The following SAMHD1 variants were observed in gnomAD, a reference collection of about 807,000 sequenced individuals.
SAMHD1 encodes deoxynucleoside triphosphate triphosphohydrolase SAMHD1.
A neutral mutation model predicts 79.6 loss-of-function variants in SAMHD1; 54 were observed. The observed-to-expected ratio is 0.68, with a 90% CI of 0.55 to 0.85. The LOEUF (loss-of-function observed/expected upper bound fraction) is 0.85, where lower values mean the gene tolerates loss of function less well. Among genes scored for constraint, SAMHD1 ranks in the 40% least tolerant of loss-of-function variants. SAMHD1 has a pLI of 0.00. For synonymous variants in SAMHD1, 260 were observed against 264.1 expected, an observed-to-expected ratio of 0.98 and a Z score of 0.15; for missense variants, 663 against 782.7, an observed-to-expected ratio of 0.85 and a Z score of 1.82.
intron 12 of SAMHD1, chr20:36,904,515 G>C: frequency 2.5e-6 from 1 of 405,278 alleles, no homozygotes; most frequent in Non-Finnish European, 4.6e-6. Flanking sequence ...TCGGGAGTTC[G>C]AGACCAGCCT....
At chr20:36,913,817 A>T (rs2063459601) in intron 9 of SAMHD1, among the ~76,000 whole-genome samples, 1 of 148,964 alleles carries the variant, frequency 6.7e-6, no homozygotes, top group Non-Finnish European at 1.5e-5. Context: ...AGTGGCACAC[A>T]ATCTTGGCTC....
In SAMHD1 at chr20:36,934,974, T is replaced by C. The variant is rs760386550; in HGVS notation, c.509+55A>G. ...TGCCTGGCCTAAGATAACTATTTCA[T>C]GAGACAGAGAAAATACTTAAAAACT... On this transcript the variant is annotated intron_variant, in intron 4 of 15. Transcript: ENST00000646673. The C allele has an allele frequency of 3.2e-6, 5 of 1,568,004 alleles. No homozygotes were observed. The African/African-American group carries it at 6.8e-5, about 21-fold the overall frequency.
At chr20:36,906,330 C>G (rs968193950) in intron 11 of SAMHD1, among the ~76,000 whole-genome samples, 1 of 152,180 alleles carries the variant, frequency 6.6e-6, no homozygotes, top group Non-Finnish European at 1.5e-5. Flanking sequence ...CCCAACTACT[C>G]AGGAGGTTGA....
chr20:36,949,304 T>A (rs1033106602), intron 1 of SAMHD1, among the ~76,000 whole-genome samples: 1 of 149,834 alleles, frequency 6.7e-6, no homozygotes, highest in African/African-American at 2.5e-5. Flanking sequence ...TAAAAAATAA[T>A]CAAACAGAGG....
Position 36,890,970 on chromosome 20 carries a change from T to C in SAMHD1, c.*1962A>G, listed in dbSNP as rs1276065497. The C allele has an allele frequency of 6.6e-6, 1 of 152,152 alleles. No homozygotes were observed. The highest frequency in any genetic ancestry group is 1.5e-5 in the Non-Finnish European group (1 of 68,022). The allele number at this position is 152,152 out of a possible 1,614,324, so 9.4% of individuals were successfully genotyped here. On this transcript the variant is annotated 3_prime_UTR_variant, in exon 16 of 16. Transcript: ENST00000646673. Reference sequence around the variant, plus strand: ...AAACCACAATGATTTAAAGGTAAGATACACAGAAATAAAATGATTTTAACA... The same window carrying C: ...AAACCACAATGATTTAAAGGTAAGACACACAGAAATAAAATGATTTTAACA...
chr20:36,947,421 T>TTTGGAAGAG (rs2063697452), intron 1 of SAMHD1, among the ~76,000 whole-genome samples: 1 of 102,466 alleles, frequency 9.8e-6, no homozygotes, highest in Non-Finnish European at 1.9e-5. Flanking sequence ...TGTGTGTGTG[T>TTTGGAAGAG]GTGTGTGTGT....
At chr20:36,905,550 G>A (rs1332210417) in intron 11 of SAMHD1, 47 bp from the exon 12 acceptor site, 16 of 1,477,332 alleles carry the variant, frequency 1.1e-5, no homozygotes, top group Non-Finnish European at 1.5e-5. Context: ...AAAACACAGA[G>A]TTAAAGAATT....
At position 36,890,418 on chromosome 20, in the gene SAMHD1, C is replaced by CTTTCTTTCTTTCTTTCTTTCTTTCTTTCT. The variant is rs1555830170; in HGVS notation, c.*2513_*2514insAGAAAGAAAGAAAGAAAGAAAGAAAGAAA. Reference sequence around the variant, plus strand: ...TTTCTCTTTCTTTCTTTCTTTCTTTCTTTTCTTTCTCTCTTTCCTTCCTTC... The same window carrying CTTTCTTTCTTTCTTTCTTTCTTTCTTTCT: ...TTTCTCTTTCTTTCTTTCTTTCTTTCTTTCTTTCTTTCTTTCTTTCTTTCTTTCTTTTTCTTTCTCTCTTTCCTTCCTTC... On this transcript the variant is annotated 3_prime_UTR_variant, in exon 16 of 16. Transcript: ENST00000646673. 1.5e-3 allele frequency: 26 copies of CTTTCTTTCTTTCTTTCTTTCTTTCTTTCT among 17,798 alleles called. No individual in the cohort carries two copies. In the East Asian group the frequency reaches 0.049, roughly 34 times the overall value. The allele number at this position is 17,798 out of a possible 1,614,324, so 1.1% of individuals were successfully genotyped here. A position where few individuals can be genotyped will look rare whatever the true frequency, so the allele number is the denominator to read the frequency against.
intron 5 of SAMHD1, 38 bp downstream of exon 5, chr20:36,930,722 G>T (rs1212488697): frequency 2.2e-6 from 3 of 1,372,886 alleles, no homozygotes; most frequent in South Asian, 1.2e-5. Flanking sequence ...CATATGTTAT[G>T]ATTTTACATA....
chr20:36,915,643 A>G (rs1350622407), intron 9 of SAMHD1, among the ~76,000 whole-genome samples: 1 of 152,056 alleles, frequency 6.6e-6, no homozygotes, highest in Non-Finnish European at 1.5e-5. Flanking sequence ...AGGCTGAGGC[A>G]GAAAAATCAC....
intron 15 of SAMHD1, chr20:36,893,315 A>G (rs1372302989): frequency 1.8e-6 from 1 of 556,976 alleles, no homozygotes; most frequent in African/African-American, 1.9e-5. Context: ...TGGGAGCAGC[A>G]TACCACTGCC....
Position 36,919,347 on chromosome 20 carries a change from G to A in SAMHD1, c.852+17C>T. On this transcript the variant is annotated intron_variant, in intron 7 of 15. Coordinates refer to ENST00000646673, the MANE Select transcript of SAMHD1 (RefSeq NM_015474.4). ...AAAAGCACCAGTCAGTTAAAATTAA[G>A]CTGTACATAAACTTACCAATGAATC... The A allele has an allele frequency of 1.9e-6, 3 of 1,611,742 alleles. No homozygotes were observed. The highest frequency in any genetic ancestry group is 1.7e-5 in the Admixed American group (1 of 59,992).
intron 4 of SAMHD1, chr20:36,934,517 C>CAAAAAAAAA (rs35696057): frequency 1.9e-4 from 10 of 53,996 alleles, no homozygotes; most frequent in African/African-American, 6.5e-4. Context: ...GACTCTGTCT[C>CAAAAAAAAA]AAAAAAAAAA....
chr20:36,898,502 C>G lies in SAMHD1; in HGVS notation c.1546G>C (p.Asp516His). 6.2e-7 allele frequency: 1 copy of G among 1,613,958 alleles called. No individual in the cohort carries two copies. The highest frequency in any genetic ancestry group is 8.5e-7 in the Non-Finnish European group (1 of 1,179,964). ...GTCTTACAATAGAAGCTAACATGAT[C>G]AATTGGATTCTTTTCTTGCATTCCA... ...DYGMQEKNPIDHVSFYCKTAP... is the reference protein window; with the variant it reads ...DYGMQEKNPIHHVSFYCKTAP... Residue 516 changes from aspartate (D) to histidine (H), a missense_variant, in exon 14 of 16, where the codon GAT (aspartate) becomes CAT (histidine). Asp to His is a moderately conservative substitution (Grantham distance 81, BLOSUM62 -1). Coordinates refer to ENST00000646673, the MANE Select transcript of SAMHD1 (RefSeq NM_015474.4).
At chr20:36,942,458 T>C (rs1447456676) in intron 2 of SAMHD1, among the ~76,000 whole-genome samples, 1 of 151,916 alleles carries the variant, frequency 6.6e-6, no homozygotes, top group Non-Finnish European at 1.5e-5. Flanking sequence ...CTGATTAGAG[T>C]ATATAAAACC....
At position 36,937,856 on chromosome 20, in the gene SAMHD1, G is replaced by GTTTTTTTTTTTTTTTT. The variant is rs761389071; in HGVS notation, c.349-2668_349-2667insAAAAAAAAAAAAAAAA. On this transcript the variant is annotated intron_variant, in intron 3 of 15. Transcript: ENST00000646673. Reference sequence around the variant, plus strand: ...TTATAAATGAGGTTAAACAATGTTGGTTTGTTTTTTTTTTTTTTTGAGACA... The same window carrying GTTTTTTTTTTTTTTTT: ...TTATAAATGAGGTTAAACAATGTTGGTTTTTTTTTTTTTTTTTTTGTTTTTTTTTTTTTTTGAGACA... Among the ~76,000 whole-genome samples, 2 of 119,152 alleles carry GTTTTTTTTTTTTTTTT rather than the reference G, an allele frequency of 1.7e-5. 1 individual carries two copies. The highest frequency in any genetic ancestry group is 3.3e-5 in the Non-Finnish European group (2 of 60,666). The allele number at this position is 119,152 out of a possible 152,430, so 78.2% of individuals were successfully genotyped here.
intron 4 of SAMHD1, among the ~76,000 whole-genome samples, chr20:36,934,497 T>G (rs1187342563): frequency 9.6e-6 from 1 of 104,238 alleles, no homozygotes; most frequent in Non-Finnish European, 1.7e-5. Context: ...CACTCCAGCC[T>G]AGTGAAAGAG....
Position 36,935,154 on chromosome 20 carries a change from G to A in SAMHD1, c.384C>T (p.Leu128=), listed in dbSNP as rs756023341. ...INDPIHGHIE[L]HPLLVRIIDT... ...CAATGATTCGGACGAGGAGAGGGTGGAGCTCAATGTGGCCATGGATAGGAT... is the reference window on the plus strand; with the variant it reads ...CAATGATTCGGACGAGGAGAGGGTGAAGCTCAATGTGGCCATGGATAGGAT... The change falls in exon 4 of 16, where the codon CTC becomes CTT. Residue 128 remains leucine, a synonymous_variant. Transcript: ENST00000646673. 1.7e-5 allele frequency: 27 copies of A among 1,613,626 alleles called. No individual in the cohort carries two copies. The highest frequency in any genetic ancestry group is 5.3e-5 in the African/African-American group (4 of 74,886).
chr20:36,911,345 T>A lies in SAMHD1; in HGVS notation c.1155-12A>T. 6.5e-7 allele frequency: 1 copy of A among 1,543,134 alleles called. No individual in the cohort carries two copies. The highest frequency in any genetic ancestry group is 1.4e-5 in the African/African-American group (1 of 73,654). On this transcript the variant is annotated splice_polypyrimidine_tract_variant and intron_variant, in intron 10 of 15. Coordinates refer to ENST00000646673, the MANE Select transcript of SAMHD1 (RefSeq NM_015474.4). ...AAGCATCTGTAATCCTAAAAATCAT[T>A]TTGCAAAAATTTATGTTTATGAGAA...
Sources: gnomAD v4.1 joint callset for allele counts (sites outside exome capture counted in the v4.1 genomes callset) on GRCh38, gnomAD v4.1.1 for gene constraint, MANE v1.5 for transcripts, NCBI Gene and HGNC (gene_info 2026-07-23, HGNC 2026-07-21) for gene names.